FHDC1: variants seen among roughly 807,000 people sequenced by gnomAD.
The protein encoded by FHDC1 is FH2 domain-containing protein 1.
Under a neutral mutation model 52.6 loss-of-function variants are expected in FHDC1, and 25 were observed. The observed-to-expected ratio is 0.48, with a 90% confidence interval of 0.35 to 0.66. The LOEUF is 0.66. Ranked by LOEUF, FHDC1 falls within the 30% of genes least tolerant of loss-of-function variation. The pLI, the probability that FHDC1 is intolerant of heterozygous loss-of-function variation, is 0.01. For synonymous variants in FHDC1, 616 were observed against 581.5 expected (o/e 1.06, Z -0.85); for missense variants, 1,459 against 1,452.8 (o/e 1.00, Z -0.07).
chr4:152,926,809 A>AC, the FHDC1 span, among the ~76,000 whole-genome samples: 1 of 151,992 alleles, frequency 6.6e-6, no homozygotes, highest in Non-Finnish European at 1.5e-5. Flanking sequence ...ATGGGAAAAA[A>AC]AAAACAAAAC....
intron 2 of FHDC1, among the ~76,000 whole-genome samples, chr4:152,947,354 G>A (rs903111870): frequency 6.6e-6 from 1 of 152,088 alleles, no homozygotes; most frequent in African/African-American, 2.4e-5. Flanking sequence ...CTGTAATAAA[G>A]CAATTAGAAA....
chr4:152,968,290 T>A (rs1371747937), intron 10 of FHDC1, among the ~76,000 whole-genome samples, 193 bp downstream of exon 10: 1 of 150,578 alleles, frequency 6.6e-6, no homozygotes, highest in East Asian at 1.9e-4. Flanking sequence ...CTAAGCCTGA[T>A]ATATTTTTTT....
intron 9 of FHDC1, among the ~76,000 whole-genome samples, chr4:152,967,034 C>T (rs1256765507): frequency 6.6e-6 from 1 of 152,170 alleles, no homozygotes; most frequent in East Asian, 1.9e-4. Context: ...GTGAGAGGAT[C>T]ACCTGAGCCC....
At chr4:152,952,302 T>C (rs1739949964) in intron 2 of FHDC1, among the ~76,000 whole-genome samples, 1 of 152,160 alleles carries the variant, frequency 6.6e-6, no homozygotes, top group Non-Finnish European at 1.5e-5. Flanking sequence ...TTCAGAGTTG[T>C]TTTTTATTTT....
At chr4:152,925,415 T>C in the FHDC1 span, among the ~76,000 whole-genome samples, 1 of 152,172 alleles carries the variant, frequency 6.6e-6, no homozygotes, top group Non-Finnish European at 1.5e-5. Flanking sequence ...GTCAGCTAGA[T>C]AGCCCTAAAT....
At chr4:152,922,277 G>T in the FHDC1 span, among the ~76,000 whole-genome samples, 1 of 152,064 alleles carries the variant, frequency 6.6e-6, no homozygotes, top group African/African-American at 2.4e-5. Flanking sequence ...TAAATTCCTC[G>T]ACACATACAC....
chr4:152,930,995 ACACTCTCTCTCT>A, the FHDC1 span, among the ~76,000 whole-genome samples: 2 of 139,500 alleles, frequency 1.4e-5, no homozygotes, highest in Non-Finnish European at 3.0e-5. Context: ...ACACACACAC[ACACTCTCTCTCT>A]CTCTCTCTCT....
At chr4:152,938,626 T>C (rs1204232923) in intron 1 of FHDC1, among the ~76,000 whole-genome samples, 2 of 152,172 alleles carry the variant, frequency 1.3e-5, no homozygotes, top group African/African-American at 4.8e-5. Flanking sequence ...CTACCTCTGC[T>C]CTCCAAACTC....
At chr4:152,938,292 G>A (rs370484166) in intron 1 of FHDC1, among the ~76,000 whole-genome samples, 3 of 151,564 alleles carry the variant, frequency 2.0e-5, no homozygotes, top group Non-Finnish European at 2.9e-5. Context: ...GGTCTCGGGC[G>A]CCTATGAATA....
chr4:152,966,441 A>C (rs1262557539), intron 9 of FHDC1, among the ~76,000 whole-genome samples: 1 of 152,148 alleles, frequency 6.6e-6, no homozygotes, highest in East Asian at 1.9e-4. Flanking sequence ...GGGTAACAAA[A>C]CCATCATTCA....
At chr4:152,956,846 C>A (rs1740100219) in intron 4 of FHDC1, among the ~76,000 whole-genome samples, 1 of 152,152 alleles carries the variant, frequency 6.6e-6, no homozygotes, top group South Asian at 2.1e-4. Flanking sequence ...CTCACCACAC[C>A]CTCCAAACTC....
In FHDC1 at chr4:152,954,206, G is replaced by T; in HGVS notation, c.561-11G>T. The T allele has an allele frequency of 1.2e-6, 2 of 1,608,956 alleles. No individual in the cohort carries two copies. Among genetic ancestry groups the T allele is most frequent in the South Asian group, 2.2e-5 (2 of 90,916 alleles). On this transcript the variant is annotated splice_polypyrimidine_tract_variant and intron_variant, in intron 3 of 11. Coordinates refer to ENST00000511601, the MANE Select transcript of FHDC1 (RefSeq NM_001371116.1). ...AACGTGAAATGGAATGTGATTCATTGTCTTTTCAAGGTCTCCTCGGTCCAT... is the reference window on the plus strand; with the variant it reads ...AACGTGAAATGGAATGTGATTCATTTTCTTTTCAAGGTCTCCTCGGTCCAT...
chr4:152,953,665 CCTT>C (rs1739994522), intron 3 of FHDC1, 105 bp downstream of exon 3: 11 of 930,852 alleles, frequency 1.2e-5, no homozygotes, highest in Non-Finnish European at 1.9e-5. Context: ...ACCTTCAAAT[CCTT>C]CTTAGACGCA....
intron 3 of FHDC1, among the ~76,000 whole-genome samples, chr4:152,953,779 C>T (rs1420481933): frequency 2.6e-5 from 4 of 152,246 alleles, no homozygotes; most frequent in Non-Finnish European, 5.9e-5. Context: ...CCCAGGGCAT[C>T]CATTCAAGCC....
the FHDC1 span, among the ~76,000 whole-genome samples, chr4:152,930,903 C>T: frequency 1.3e-5 from 2 of 150,214 alleles, no homozygotes; most frequent in Non-Finnish European, 3.0e-5. Context: ...TCCCTTTGCC[C>T]ATCTTTCTAT....
the FHDC1 span, among the ~76,000 whole-genome samples, chr4:152,917,647 G>T: frequency 1.1e-4 from 17 of 151,718 alleles, no homozygotes; most frequent in Non-Finnish European, 2.2e-4. Context: ...CATGGCAATG[G>T]TTACTATATA....
intron 10 of FHDC1, among the ~76,000 whole-genome samples, chr4:152,970,242 GT>G (rs1740602826): frequency 6.6e-6 from 1 of 152,202 alleles, no homozygotes; most frequent in Admixed American, 6.5e-5. Context: ...GAGTAAACTT[GT>G]TTGAAACTTC....
At chr4:152,914,151 TC>T in the FHDC1 span, among the ~76,000 whole-genome samples, 1 of 152,216 alleles carries the variant, frequency 6.6e-6, no homozygotes, top group Non-Finnish European at 1.5e-5. Flanking sequence ...AGGTCACAGT[TC>T]CTTTACTATT....
At chr4:152,931,958 A>AC (rs1739261266), upstream of FHDC1, among the ~76,000 whole-genome samples, 1 of 150,986 alleles carries the variant, frequency 6.6e-6, no homozygotes, top group African/African-American at 2.4e-5. Context: ...AAAAAAAAAA[A>AC]AAAAAACTTC....
Sources: allele counts gnomAD v4.1 joint callset (sites outside exome capture counted in the v4.1 genomes callset), GRCh38; gene constraint gnomAD v4.1.1; transcripts MANE v1.5; gene names NCBI Gene and HGNC (gene_info 2026-07-23, HGNC 2026-07-21).